GALNT13: variants seen among roughly 807,000 people sequenced by gnomAD.
GALNT13 encodes the protein UDP-GalNAc:polypeptide N-acetylgalactosaminyltransferase 13.
In GALNT13, 28 loss-of-function variants were observed where a neutral mutation model predicts 64.2. The observed-to-expected ratio is 0.44, with a 90% CI of 0.32 to 0.60. GALNT13 has a LOEUF of 0.60. GALNT13 is among the 20% of genes least tolerant of loss of function. The probability of loss-of-function intolerance (pLI) is 0.05; values close to 1 mark genes in which losing one functional copy is unlikely to be tolerated. For synonymous variants in GALNT13, 214 were observed against 224.6 expected, an observed-to-expected ratio of 0.95 and a Z score of 0.42; for missense variants, 577 against 669.8, an observed-to-expected ratio of 0.86 and a Z score of 1.53.
chr2:153,896,998 A>G (rs116006106), intron 1 of GALNT13, among the ~76,000 whole-genome samples: 143 of 152,090 alleles, frequency 9.4e-4, no homozygotes, highest in African/African-American at 3.2e-3. Flanking sequence ...CTTTTGCTTC[A>G]TTTCTGTCTG....
At chr2:154,430,786 A>G (rs1700675619) in intron 11 of GALNT13, among the ~76,000 whole-genome samples, 1 of 152,100 alleles carries the variant, frequency 6.6e-6, no homozygotes, top group African/African-American at 2.4e-5. Context: ...CATCCACCTA[A>G]CTTTCATCAG....
At chr2:153,373,630 G>A in the GALNT13 span, among the ~76,000 whole-genome samples, 4 of 152,138 alleles carry the variant, frequency 2.6e-5, no homozygotes, top group Non-Finnish European at 5.9e-5. Flanking sequence ...CAGTTTAGTG[G>A]CACTAAGTAT....
the GALNT13 span, among the ~76,000 whole-genome samples, chr2:153,811,327 G>C: frequency 1.3e-5 from 2 of 152,110 alleles, no homozygotes; most frequent in Non-Finnish European, 2.9e-5. Context: ...TTTCCCTTAG[G>C]AGACTGACTT....
At chr2:153,186,891 T>C in the GALNT13 span, among the ~76,000 whole-genome samples, 1 of 151,490 alleles carries the variant, frequency 6.6e-6, no homozygotes, top group Non-Finnish European at 1.5e-5. Context: ...TAGTGGCAGG[T>C]AACATTTTTT....
intron 1 of GALNT13, among the ~76,000 whole-genome samples, chr2:153,896,095 TCCTAAA>T (rs1687875550): frequency 2.1e-5 from 2 of 95,512 alleles, no homozygotes; most frequent in African/African-American, 6.0e-5. Context: ...TTATGTTTTT[TCCTAAA>T]TTAAAAAAAA....
chr2:154,427,863 T>C (rs1700539608), intron 11 of GALNT13, among the ~76,000 whole-genome samples: 1 of 152,146 alleles, frequency 6.6e-6, no homozygotes, highest in Non-Finnish European at 1.5e-5. Context: ...ACTTGGCAGC[T>C]CCACTGGTGA....
At chr2:153,249,923 C>T in the GALNT13 span, among the ~76,000 whole-genome samples, 1 of 152,154 alleles carries the variant, frequency 6.6e-6, no homozygotes, top group Non-Finnish European at 1.5e-5. Flanking sequence ...CCATAAAAAA[C>T]CCTAGAAGAA....
chr2:153,821,398 A>T, the GALNT13 span, among the ~76,000 whole-genome samples: 1 of 152,204 alleles, frequency 6.6e-6, no homozygotes, highest in Non-Finnish European at 1.5e-5. Context: ...ATACTTTTAG[A>T]TCGCTGTAGA....
the GALNT13 span, among the ~76,000 whole-genome samples, chr2:153,396,058 A>T: frequency 6.6e-6 from 1 of 152,120 alleles, no homozygotes; most frequent in Non-Finnish European, 1.5e-5. Context: ...CTCTGTTTCA[A>T]TATAGCTTTG....
chr2:154,247,630 AAATC>A (rs1689849715), intron 7 of GALNT13, among the ~76,000 whole-genome samples: 1 of 152,118 alleles, frequency 6.6e-6, no homozygotes, highest in Non-Finnish European at 1.5e-5. Context: ...ATCTATGTAG[AAATC>A]AATCATTATT....
chr2:154,353,193 T>C (rs899113555), intron 9 of GALNT13, among the ~76,000 whole-genome samples: 3 of 152,146 alleles, frequency 2.0e-5, no homozygotes, highest in Non-Finnish European at 4.4e-5. Flanking sequence ...ATTAGGCTTT[T>C]TGTCAATTTA....
intron 4 of GALNT13, among the ~76,000 whole-genome samples, chr2:154,153,704 C>T (rs553631523): frequency 2.3e-4 from 35 of 152,280 alleles, no homozygotes; most frequent in South Asian, 4.1e-4. Flanking sequence ...TAGCAATCAG[C>T]GAGACTCCAT....
At chr2:154,297,037 A>T (rs901817571) in intron 8 of GALNT13, among the ~76,000 whole-genome samples, 12 of 152,178 alleles carry the variant, frequency 7.9e-5, no homozygotes, top group African/African-American at 2.4e-4. Flanking sequence ...GTGGTATGTT[A>T]TTCTAGAATG....
chr2:153,370,075 C>A, the GALNT13 span, among the ~76,000 whole-genome samples: 64 of 152,052 alleles, frequency 4.2e-4, no homozygotes, highest in Non-Finnish European at 8.4e-4. Context: ...GAATTCTATG[C>A]CCATAAATTT....
At chr2:153,658,647 A>AT in the GALNT13 span, among the ~76,000 whole-genome samples, 1 of 152,134 alleles carries the variant, frequency 6.6e-6, no homozygotes. Context: ...TGACATCTTT[A>AT]TTATAGGAGT....
chr2:153,919,563 C>T lies in GALNT13; in HGVS notation c.-105+18556C>T, dbSNP rs149420909. Among the ~76,000 whole-genome samples, 626 of 151,874 alleles carry T rather than the reference C, an allele frequency of 4.1e-3. 3 individuals are homozygous for T. Among genetic ancestry groups the T allele is most frequent in the African/African-American group, 0.014 (595 of 41,430 alleles). ...TATTTAGAACTTCTAGATTATAAAC[C>T]GTGAGGCAAGGTGTCTCAAGCACCT... On this transcript the variant is annotated intron_variant, in intron 2 of 12. Coordinates refer to ENST00000392825, the MANE Select transcript of GALNT13 (RefSeq NM_052917.4).
chr2:154,436,093 A>G (rs1700954142), intron 11 of GALNT13: 1 of 152,218 alleles, frequency 6.6e-6, no homozygotes, highest in Non-Finnish European at 1.5e-5. Context: ...CTGATTTTAC[A>G]TTAATCCAAG....
intron 8 of GALNT13, among the ~76,000 whole-genome samples, chr2:154,273,900 A>G (rs1368726592): frequency 1.3e-5 from 2 of 152,130 alleles, no homozygotes; most frequent in East Asian, 3.9e-4. Flanking sequence ...TGAATAATAC[A>G]TAATAAAATA....
intron 2 of GALNT13, among the ~76,000 whole-genome samples, chr2:153,944,116 T>C (rs1229237001): frequency 6.6e-6 from 1 of 152,124 alleles, no homozygotes; most frequent in African/African-American, 2.4e-5. Flanking sequence ...AAGAATATCA[T>C]GATATGACTT....
Sources: allele counts gnomAD v4.1 joint callset (sites outside exome capture counted in the v4.1 genomes callset), GRCh38; gene constraint gnomAD v4.1.1; transcripts MANE v1.5; gene names NCBI Gene and HGNC (gene_info 2026-07-23, HGNC 2026-07-21).